The following MOV10L1 variants were observed in gnomAD, a reference collection of about 807,000 sequenced individuals.
The protein encoded by MOV10L1 is Mov10 like RNA helicase 1.
MOV10L1 carries 110 observed loss-of-function variants against 143.8 expected under a neutral mutation model. The ratio of observed to expected loss-of-function variants is 0.76; its 90% CI spans 0.66 to 0.90. The LOEUF (loss-of-function observed/expected upper bound fraction) is 0.90, where lower values mean the gene tolerates loss of function less well. Among genes scored for constraint, MOV10L1 ranks in the 40% least tolerant of loss-of-function variants. MOV10L1 has a pLI of 0.00. For synonymous variants in MOV10L1, 593 were observed against 581.1 expected, an observed-to-expected ratio of 1.02 and a Z score of -0.29; for missense variants, 1,406 against 1,526.8, an observed-to-expected ratio of 0.92 and a Z score of 1.32.
intron 3 of MOV10L1, among the ~76,000 whole-genome samples, chr22:50,106,180 C>T (rs879558159): frequency 3.3e-5 from 5 of 152,072 alleles, no homozygotes; most frequent in South Asian, 2.1e-4. Context: ...TTTTTAGAGA[C>T]GGGGTCTTGC....
At chr22:50,149,350 C>A in intron 19 of MOV10L1, 1 of 450,024 alleles carries the variant, frequency 2.2e-6, no homozygotes, top group Non-Finnish European at 4.0e-6. Context: ...TGTTGCCCAT[C>A]GCTCCCACCC....
Position 50,158,274 on chromosome 22 carries a change from T to C in MOV10L1, c.3216+68T>C. Reference sequence around the variant, plus strand: ...AGCCCTGCTCCTTGGCTCCTGCAGCTCCACAGAGGCAGGAACAAGCTCCTT... The same window carrying C: ...AGCCCTGCTCCTTGGCTCCTGCAGCCCCACAGAGGCAGGAACAAGCTCCTT... On this transcript the variant is annotated intron_variant, in intron 23 of 26. Coordinates refer to ENST00000262794, the MANE Select transcript of MOV10L1 (RefSeq NM_018995.3). This position sits in a 1 kb window ranked among gnomAD's most constrained non-coding sequence, Gnocchi z 5.0. 6.3e-7 allele frequency: 1 copy of C among 1,586,340 alleles called. No individual in the cohort carries two copies. Among genetic ancestry groups the C allele is most frequent in the Non-Finnish European group, 8.6e-7 (1 of 1,160,494 alleles).
intron 11 of MOV10L1, 85 bp downstream of exon 11, chr22:50,125,654 A>T: frequency 1.5e-6 from 2 of 1,323,816 alleles, no homozygotes; most frequent in Non-Finnish European, 2.1e-6. Flanking sequence ...TGGCAATATG[A>T]CAGTCACATT....
In MOV10L1 at chr22:50,158,302, GAGC is replaced by G; in HGVS notation, c.3216+105_3216+107del. 1.3e-6 allele frequency: 2 copies of G among 1,481,592 alleles called. No homozygotes were observed. Among genetic ancestry groups the G allele is most frequent in the East Asian group, 2.3e-5 (1 of 42,646 alleles). The allele number at this position is 1,481,592 out of a possible 1,614,324, so 91.8% of individuals were successfully genotyped here. On this transcript the variant is annotated intron_variant, in intron 23 of 26. Transcript: ENST00000262794. This position sits in a 1 kb window ranked among gnomAD's most constrained non-coding sequence, Gnocchi z 5.0. ...ACAGAGGCAGGAACAAGCTCCTTGT[GAGC>G]AGCAGCAGGTTTTTAAAGGGGCAGG...
chr22:50,140,755 C>T (rs1023526096), intron 15 of MOV10L1, among the ~76,000 whole-genome samples: 1 of 151,488 alleles, frequency 6.6e-6, no homozygotes, highest in Non-Finnish European at 1.5e-5. Context: ...CAGAGTCTTC[C>T]TCTGTCCTCC....
intron 18 of MOV10L1, among the ~76,000 whole-genome samples, chr22:50,145,033 C>T (rs2063110247): frequency 6.6e-6 from 1 of 152,112 alleles, no homozygotes; most frequent in South Asian, 2.1e-4. Flanking sequence ...ACCTCCGCCT[C>T]CCGGGTTCAA....
chr22:50,108,732 C>G lies in MOV10L1; in HGVS notation c.631C>G (p.Leu211Val). 1 of 1,614,216 alleles carries G rather than the reference C, an allele frequency of 6.2e-7. No individual in the cohort carries two copies. The highest frequency in any genetic ancestry group is 8.5e-7 in the Non-Finnish European group (1 of 1,180,052). ...SIFFTLDSLK[L>V]PDGYTPRRGD... is the part of the protein sequence containing the mutation. ...CTTCTTTACCTTGGACTCCTTGAAACTGCCAGATGGGTACACACCCCGGAG... is the reference window on the plus strand; with the variant it reads ...CTTCTTTACCTTGGACTCCTTGAAAGTGCCAGATGGGTACACACCCCGGAG... The change falls in exon 5 of 27, where the codon CTG becomes GTG. Residue 211 changes from leucine to valine, a missense_variant. Transcript: ENST00000262794.
In MOV10L1 at chr22:50,108,201, A is replaced by G; in HGVS notation, c.508A>G (p.Ser170Gly). The change falls in exon 4 of 27, where the codon AGC becomes GGC. Residue 170 changes from serine (S) to glycine (G), a missense_variant. By Grantham distance (56) the Ser-to-Gly change is moderately conservative (BLOSUM62 0). Around this residue, in one of 3 missense-constraint regions of MOV10L1, gnomAD observed 1,233 missense variants for 1,351.4 expected, o/e 0.91. Transcript: ENST00000262794. ...EYRIRPGTWS[S>G]EATSVKPLRY... The stretch of plus-strand genomic sequence containing the variant: ...CCGGATCCGGCCTGGCACGTGGAGC[A>G]GCGAAGCCACCTCAGTGAAGCCACT... The G allele has an allele frequency of 1.2e-6, 2 of 1,614,114 alleles. No homozygotes were observed. Among genetic ancestry groups the G allele is most frequent in the Non-Finnish European group, 1.7e-6 (2 of 1,180,032 alleles).
chr22:50,159,893 AGCAGCT>A lies in MOV10L1; in HGVS notation c.3324+113_3324+118del. 3 of 720,050 alleles carry A rather than the reference AGCAGCT, an allele frequency of 4.2e-6. No homozygotes were observed. In the South Asian group the frequency reaches 5.3e-5, roughly 13 times the overall value. 44.6% of individuals were successfully genotyped at this position (720,050 alleles called of 1,614,324 possible). ...CAGAGGCTGATTCCCAGCCCAGAGAAGCAGCTGCAGGCGGAGACTCCCTAGGTCCAG... is the reference window on the plus strand; with the variant it reads ...CAGAGGCTGATTCCCAGCCCAGAGAAGCAGGCGGAGACTCCCTAGGTCCAG... On this transcript the variant is annotated intron_variant, in intron 24 of 26. Transcript: ENST00000262794. The surrounding 1 kb of genome is among the most constrained non-coding windows in gnomAD (Gnocchi z 4.1).
chr22:50,110,588 C>G (rs569710125), intron 5 of MOV10L1, among the ~76,000 whole-genome samples: 1 of 152,184 alleles, frequency 6.6e-6, no homozygotes, highest in South Asian at 2.1e-4. Flanking sequence ...TTTGTTGTTT[C>G]ACATTTTGGC....
At chr22:50,115,031 T>C in intron 7 of MOV10L1, 83 bp from the exon 8 acceptor site, 1 of 1,394,038 alleles carries the variant, frequency 7.2e-7, no homozygotes, top group Admixed American at 2.4e-5. Context: ...TGTGAGAGAG[T>C]ATTCATTTCC....
At chr22:50,157,873 CTG>C (rs2063466787) in intron 22 of MOV10L1, among the ~76,000 whole-genome samples, 182 bp from the exon 23 acceptor site, 1 of 149,446 alleles carries the variant, frequency 6.7e-6, no homozygotes, top group Non-Finnish European at 1.5e-5. Context: ...TTTAGCATGA[CTG>C]TGAGCCATTT....
intron 14 of MOV10L1, 25 bp from the exon 15 acceptor site, chr22:50,134,505 C>G: frequency 6.3e-7 from 1 of 1,595,924 alleles, no homozygotes; most frequent in Non-Finnish European, 8.6e-7. Context: ...TATACCCGTG[C>G]TCTTACCATT....
In MOV10L1 at chr22:50,115,241, C is replaced by T. The variant is rs144338444; in HGVS notation, c.1254C>T (p.Asp418=). 6.7e-5 allele frequency: 101 copies of T among 1,518,096 alleles called. No individual in the cohort carries two copies. The highest frequency in any genetic ancestry group is 8.0e-5 in the Non-Finnish European group (91 of 1,143,114). The allele number at this position is 1,518,096 out of a possible 1,614,324, so 94.0% of individuals were successfully genotyped here. ...AAACCTTCATTGTGGTCATCTGTGA[C>T]GGAAAGTAAGGGCCTGGAGGTCTGG... ...GGKTFIVVIC[D]GKNPGRCKEL... Residue 418 remains aspartate, a synonymous_variant, in exon 8 of 27, where the codon GAC becomes GAT. Transcript: ENST00000262794.
intron 10 of MOV10L1, among the ~76,000 whole-genome samples, chr22:50,121,546 T>A (rs2062344560): frequency 6.6e-6 from 1 of 152,202 alleles, no homozygotes; most frequent in Non-Finnish European, 1.5e-5. Flanking sequence ...TTCAATCCAC[T>A]GCCGTGATAG....
chr22:50,144,391 C>T (rs1380311759), intron 18 of MOV10L1, 148 bp downstream of exon 18: 11 of 956,638 alleles, frequency 1.1e-5, no homozygotes, highest in Non-Finnish European at 1.5e-5. Context: ...TGCCATGGGC[C>T]CTCCCTCACC....
intron 3 of MOV10L1, among the ~76,000 whole-genome samples, chr22:50,104,443 G>A (rs1197127882): frequency 6.6e-6 from 1 of 152,228 alleles, no homozygotes; most frequent in African/African-American, 2.4e-5. Flanking sequence ...CCCTTTGGAG[G>A]CGTCTGTCCT....
At chr22:50,122,773 TTTTATTTA>T (rs932245637) in intron 10 of MOV10L1, among the ~76,000 whole-genome samples, 6 of 142,844 alleles carry the variant, frequency 4.2e-5, no homozygotes, top group African/African-American at 1.5e-4. Context: ...TTTTTCTCTT[TTTTATTTA>T]TTTATTTATT....
chr22:50,134,400 A>G (rs895029615), intron 14 of MOV10L1, 130 bp from the exon 15 acceptor site: 6 of 699,178 alleles, frequency 8.6e-6, no homozygotes, highest in East Asian at 2.7e-5. Flanking sequence ...TAGAAACAGT[A>G]TAACAGGCAG....
Sources: gnomAD v4.1 joint callset for allele counts (sites outside exome capture counted in the v4.1 genomes callset) on GRCh38, gnomAD v4.1.1 for gene constraint, gnomAD v4.1.1 regional missense constraint, Gnocchi (gnomAD v3.1) non-coding constraint, MANE v1.5 for transcripts, NCBI Gene and HGNC (gene_info 2026-07-23, HGNC 2026-07-21) for gene names.